PCDHGA2: variants seen among roughly 807,000 people sequenced by gnomAD.
PCDHGA2 encodes the protein protocadherin gamma subfamily A, 2, also known as protocadherin gamma-A2.
PCDHGA2 carries 40 observed loss-of-function variants against 59.2 expected under a neutral mutation model. That is an observed-to-expected ratio of 0.68 (90% CI 0.52 to 0.88). The LOEUF (loss-of-function observed/expected upper bound fraction) is 0.88. Ranked by LOEUF, PCDHGA2 falls within the 40% of genes least tolerant of loss-of-function variation. PCDHGA2 has a pLI of 0.00. For synonymous variants in PCDHGA2, 560 were observed against 526.0 expected (o/e 1.06, Z -0.89); for missense variants, 1,226 against 1,204.0 (o/e 1.02, Z -0.27).
intron 1 of PCDHGA2, chr5:141,395,402 C>T (rs1012676021): frequency 5.9e-6 from 5 of 846,250 alleles, no homozygotes; most frequent in Non-Finnish European, 8.7e-6. Context: ...CTCTAATAGT[C>T]ATAGGTTATT....
chr5:141,394,818 C>T lies in PCDHGA2; in HGVS notation c.2424+53423C>T, dbSNP rs2093105005. On this transcript the variant is annotated intron_variant, in intron 1 of 3. Coordinates refer to ENST00000394576, the MANE Select transcript of PCDHGA2 (RefSeq NM_018915.4). Reference sequence around the variant, plus strand: ...CACCGTAGCCGTGGCTGACAGCATCCCCGAAGTCCTGACCGAGTTGGGCAG... The same window carrying T: ...CACCGTAGCCGTGGCTGACAGCATCTCCGAAGTCCTGACCGAGTTGGGCAG... The T allele has an allele frequency of 5.6e-6, 9 of 1,613,904 alleles. No individual in the cohort carries two copies. Among genetic ancestry groups the T allele is most frequent in the Non-Finnish European group, 7.6e-6 (9 of 1,180,012 alleles).
chr5:141,384,580 G>T, intron 1 of PCDHGA2: 1 of 1,614,196 alleles, frequency 6.2e-7, no homozygotes, highest in Non-Finnish European at 8.5e-7. Flanking sequence ...CAACCCGCCC[G>T]AGATCCTGTA....
chr5:141,495,878 T>C (rs2099764378), intron 2 of PCDHGA2, among the ~76,000 whole-genome samples: 1 of 152,184 alleles, frequency 6.6e-6, no homozygotes, highest in African/African-American at 2.4e-5. Context: ...TTCCTCTCTG[T>C]TCTTTGTCTC....
At chr5:141,397,110 C>T (rs561188757) in intron 1 of PCDHGA2, among the ~76,000 whole-genome samples, 1 of 152,324 alleles carries the variant, frequency 6.6e-6, no homozygotes, top group African/African-American at 2.4e-5. Context: ...ATGCAATCCA[C>T]TAGAATATCC....
At chr5:141,416,929 C>T (rs1184470714) in intron 1 of PCDHGA2, 1 of 151,960 alleles carries the variant, frequency 6.6e-6, no homozygotes. Flanking sequence ...TAGTTATTAA[C>T]TATTAAACCA....
chr5:141,355,193 G>C lies in PCDHGA2; in HGVS notation c.2424+13798G>C, dbSNP rs1759749464. The C allele has an allele frequency of 3.2e-5, 51 of 1,594,318 alleles. No homozygotes were observed. In the East Asian group the frequency reaches 1.1e-3, roughly 36 times the overall value. On this transcript the variant is annotated intron_variant, in intron 1 of 3. Transcript: ENST00000394576. ...CCGAAGCACAGGCGACTCCGCGGCG[G>C]GGTTGTAATGGCGGCGCCTCCTGCT... is the stretch of plus-strand genomic sequence containing the variant.
rs375310818 is a variant in PCDHGA2 at position 141,376,558 on chromosome 5, C to A, written c.2424+35163C>A. On this transcript the variant is annotated intron_variant, in intron 1 of 3. Transcript: ENST00000394576. Reference sequence around the variant, plus strand: ...AAGAGTAATCTGATCTTCCCGCAACCCAACTAATCAGACAGGCTCATCAGC... The same window carrying A: ...AAGAGTAATCTGATCTTCCCGCAACACAACTAATCAGACAGGCTCATCAGC... The A allele has an allele frequency of 6.2e-6, 10 of 1,609,858 alleles. No individual in the cohort carries two copies. In the African/African-American group the frequency reaches 1.3e-4, roughly 22 times the overall value.
intron 1 of PCDHGA2, chr5:141,421,335 G>A (rs2096564985): frequency 1.2e-6 from 2 of 1,613,944 alleles, no homozygotes; most frequent in Non-Finnish European, 8.5e-7. Context: ...GATATTCGGT[G>A]CCAGAAGAGA....
rs758216933 is a variant in PCDHGA2 at position 141,487,377 on chromosome 5, C to A, written c.2425-7430C>A. The A allele has an allele frequency of 2.5e-6, 4 of 1,614,190 alleles. No individual in the cohort carries two copies. In the South Asian group the frequency reaches 3.3e-5, roughly 13 times the overall value. On this transcript the variant is annotated intron_variant, in intron 1 of 3. Transcript: ENST00000394576. This position sits in a 1 kb window ranked among gnomAD's most constrained non-coding sequence, Gnocchi z 5.0. ...CCTGCTGGCACCTGTGCCTGTCTCA[C>A]CAGATCTCGAAGGAGGGAGGGGCTT...
At position 141,490,788 on chromosome 5, in the gene PCDHGA2, C is replaced by G. The variant is rs2099704332; in HGVS notation, c.2425-4019C>G. ...ATGTCAACCCAGAGGATGGACGGAT[C>G]TTTGCCCAGCGTACCTTTGACTATG... On this transcript the variant is annotated intron_variant, in intron 1 of 3. Coordinates refer to ENST00000394576, the MANE Select transcript of PCDHGA2 (RefSeq NM_018915.4). The surrounding 1 kb of genome is among the most constrained non-coding windows in gnomAD (Gnocchi z 5.4). 6.2e-7 allele frequency: 1 copy of G among 1,613,918 alleles called. No homozygotes were observed. The highest frequency in any genetic ancestry group is 1.1e-5 in the South Asian group (1 of 91,084).
intron 1 of PCDHGA2, chr5:141,478,188 C>T (rs770414950): frequency 4.3e-6 from 7 of 1,613,920 alleles, no homozygotes; most frequent in Non-Finnish European, 5.9e-6. Flanking sequence ...AAAAATCTCA[C>T]CTTTTATCTA....
intron 1 of PCDHGA2, chr5:141,352,224 C>T (rs368925514): frequency 6.2e-7 from 1 of 1,614,092 alleles, no homozygotes. Flanking sequence ...GCCACCGCCA[C>T]GCTGCACCTA....
intron 1 of PCDHGA2, chr5:141,478,044 C>A (rs1302168166): frequency 1.9e-6 from 3 of 1,614,184 alleles, no homozygotes; most frequent in South Asian, 1.1e-5. Flanking sequence ...CCCAGGCAGA[C>A]TCTCACGGTC....
intron 1 of PCDHGA2, chr5:141,423,481 C>G: frequency 6.2e-7 from 1 of 1,613,908 alleles, no homozygotes; most frequent in South Asian, 1.1e-5. Context: ...GGCTTTCCTG[C>G]AAACCTATTC....
At chr5:141,343,809 C>G in intron 1 of PCDHGA2, 1 of 459,568 alleles carries the variant, frequency 2.2e-6, no homozygotes, top group South Asian at 4.9e-5. Context: ...AGAAGGAGAA[C>G]GCAGCTGGAG....
intron 1 of PCDHGA2, among the ~76,000 whole-genome samples, chr5:141,471,014 G>A (rs2099246573): frequency 6.7e-6 from 1 of 148,628 alleles, no homozygotes; most frequent in Non-Finnish European, 1.5e-5. Context: ...ACTGTGCCTG[G>A]TCAATCATTT....
intron 1 of PCDHGA2, chr5:141,426,438 G>A (rs567163831): frequency 4.7e-5 from 14 of 300,110 alleles, no homozygotes; most frequent in Admixed American, 1.7e-4. Context: ...GGAACCTTGC[G>A]GAGGACATGC....
intron 1 of PCDHGA2, among the ~76,000 whole-genome samples, chr5:141,459,014 T>C (rs1429233660): frequency 6.6e-6 from 1 of 152,240 alleles, no homozygotes; most frequent in East Asian, 1.9e-4. Context: ...ATTACAGGCA[T>C]GAGCCACCAC....
At chr5:141,411,394 A>AC (rs958605809) in intron 1 of PCDHGA2, 4 of 151,570 alleles carry the variant, frequency 2.6e-5, no homozygotes, top group South Asian at 2.1e-4. Context: ...ATATAGGGAG[A>AC]CCCCCCATCT....
Sources: gnomAD v4.1 joint callset for allele counts (sites outside exome capture counted in the v4.1 genomes callset) on GRCh38, gnomAD v4.1.1 for gene constraint, Gnocchi (gnomAD v3.1) non-coding constraint, MANE v1.5 for transcripts, NCBI Gene and HGNC (gene_info 2026-07-23, HGNC 2026-07-21) for gene names.